UBAP1L: variants seen among roughly 807,000 people sequenced by gnomAD.
The protein encoded by UBAP1L is ubiquitin associated protein 1 like.
Under a neutral mutation model 32.1 loss-of-function variants are expected in UBAP1L, and 32 were observed. The ratio of observed to expected loss-of-function variants is 1.00; its 90% CI spans 0.75 to 1.34. The LOEUF (loss-of-function observed/expected upper bound fraction) is 1.34. Among genes scored for constraint, UBAP1L ranks in the 40% most tolerant of loss-of-function variants. UBAP1L has a pLI of 0.00. For synonymous variants in UBAP1L, 243 were observed against 250.2 expected (o/e 0.97, Z 0.27); for missense variants, 516 against 540.5 (o/e 0.95, Z 0.45).
intron 2 of UBAP1L, among the ~76,000 whole-genome samples, chr15:65,104,053 A>C (rs1595921438): frequency 6.6e-6 from 1 of 152,150 alleles, no homozygotes; most frequent in Non-Finnish European, 1.5e-5. Flanking sequence ...TCAGTTCAAG[A>C]CCAGCCTGGC....
chr15:65,104,530 A>G (rs138925687), intron 2 of UBAP1L, among the ~76,000 whole-genome samples: 184 of 152,362 alleles, frequency 1.2e-3, no homozygotes, highest in African/African-American at 3.4e-3. Flanking sequence ...ATAGGGATTT[A>G]GTAACTAATA....
intron 4 of UBAP1L, 107 bp downstream of exon 4, chr15:65,099,398 G>T: frequency 8.3e-7 from 1 of 1,199,858 alleles, no homozygotes; most frequent in Non-Finnish European, 1.2e-6. Flanking sequence ...TGTGGGGTTG[G>T]CTGATGCTGT....
chr15:65,110,291 G>A lies in UBAP1L; in HGVS notation c.-173-3903C>T, dbSNP rs139938993. Among the ~76,000 whole-genome samples, 703 of 151,924 alleles carry A rather than the reference G, an allele frequency of 4.6e-3. 6 individuals are homozygous for A. Among genetic ancestry groups the A allele is most frequent in the African/African-American group, 0.015 (601 of 41,414 alleles). On this transcript the variant is annotated intron_variant, in intron 1 of 5. Transcript: ENST00000559089. ...GGAGAATCGCTTGAACCAGGGAGGCGGAGATTGCAGTGAGCTGAAATCGCG... is the reference window on the plus strand; with the variant it reads ...GGAGAATCGCTTGAACCAGGGAGGCAGAGATTGCAGTGAGCTGAAATCGCG...
intron 4 of UBAP1L, chr15:65,095,744 C>T (rs2087166091): frequency 6.6e-6 from 1 of 152,274 alleles, no homozygotes; most frequent in Non-Finnish European, 1.5e-5. Context: ...TGCACATCAT[C>T]TAGACTAACA....
At chr15:65,106,474 C>T in intron 1 of UBAP1L, 86 bp from the exon 2 acceptor site, 1 of 347,446 alleles carries the variant, frequency 2.9e-6, no homozygotes. Context: ...TGCTCTAGAC[C>T]ACTGTTTTCC....
rs1566966810 is a variant in UBAP1L at position 65,102,197 on chromosome 15, G to A, written c.608C>T (p.Ala203Val). ...SPRSASPPGPAPQHPAAPASP... is the reference protein window; with the variant it reads ...SPRSASPPGPVPQHPAAPASP... ...CGCGGGGGCGGCGGGGTGCTGGGGCGCGGGCCCCGGGGGTGATGCAGACCT... is the reference window on the plus strand; with the variant it reads ...CGCGGGGGCGGCGGGGTGCTGGGGCACGGGCCCCGGGGGTGATGCAGACCT... The change falls in exon 3 of 6, where the codon GCG becomes GTG. Residue 203 changes from alanine to valine, a missense_variant. Ala to Val is a moderately conservative substitution (Grantham distance 64). Coordinates refer to ENST00000559089, the MANE Select transcript of UBAP1L (RefSeq NM_001163692.2). The surrounding 1 kb of genome is among the most constrained non-coding windows in gnomAD (Gnocchi z 5.0). 3.3e-6 allele frequency: 4 copies of A among 1,199,536 alleles called. No homozygotes were observed. Among genetic ancestry groups the A allele is most frequent in the Middle Eastern group, 3.3e-4 (1 of 2,998 alleles). The allele number at this position is 1,199,536 out of a possible 1,614,324, so 74.3% of individuals were successfully genotyped here.
In UBAP1L at chr15:65,102,293, G is replaced by A. The variant is rs761937299; in HGVS notation, c.512C>T (p.Pro171Leu). 291 of 1,406,920 alleles carry A rather than the reference G, an allele frequency of 2.1e-4. No individual in the cohort carries two copies. The highest frequency in any genetic ancestry group is 2.5e-4 in the Non-Finnish European group (271 of 1,088,426). The allele number at this position is 1,406,920 out of a possible 1,614,324, so 87.2% of individuals were successfully genotyped here. ...GCGGAGGCCATGCAGGAGGGCGCGG[G>A]GCCGGGAGACCAGCTTCCCCTCGGA... ...RLSEGKLVSRPRALLHGLRGH... is the reference protein window; with the variant it reads ...RLSEGKLVSRLRALLHGLRGH... The change falls in exon 3 of 6, where the codon CCC (proline) becomes CTC (leucine). Residue 171 changes from proline (P) to leucine (L), a missense_variant. Pro to Leu is a moderately conservative substitution (Grantham distance 98, BLOSUM62 -3). Transcript: ENST00000559089. The surrounding 1 kb of genome is among the most constrained non-coding windows in gnomAD (Gnocchi z 5.0).
rs758104324 is a variant in UBAP1L, at chr15:65,094,621, G to T, written c.910-45C>A. On this transcript the variant is annotated intron_variant, in intron 4 of 5. Transcript: ENST00000559089. The surrounding 1 kb of genome is among the most constrained non-coding windows in gnomAD (Gnocchi z 4.2). ...AGAGGGAGGGAGGGTAAGAGGAGCA[G>T]CCGGGGCAGCAGACAGGGCAGAGAG... The T allele has an allele frequency of 8.4e-6, 12 of 1,434,366 alleles. No individual in the cohort carries two copies. The highest frequency in any genetic ancestry group is 1.2e-5 in the Non-Finnish European group (12 of 1,042,722). 88.9% of individuals were successfully genotyped at this position (1,434,366 alleles called of 1,614,324 possible).
intron 2 of UBAP1L, among the ~76,000 whole-genome samples, chr15:65,103,081 C>G (rs2087262780): frequency 6.6e-6 from 1 of 152,212 alleles, no homozygotes; most frequent in Admixed American, 6.5e-5. Flanking sequence ...AGTAGTCTGC[C>G]TTGGAGGCCC....
rs1485462940 is a variant in UBAP1L, at chr15:65,094,597, G to A, written c.910-21C>T. On this transcript the variant is annotated intron_variant, in intron 4 of 5. Transcript: ENST00000559089. The surrounding 1 kb of genome is among the most constrained non-coding windows in gnomAD (Gnocchi z 4.2). ...AGAAACTGGGCCGGAAGCGGGCAGA[G>A]AGGGAGGGAGGGTAAGAGGAGCAGC... 6 of 1,530,554 alleles carry A rather than the reference G, an allele frequency of 3.9e-6. No homozygotes were observed. Among genetic ancestry groups the A allele is most frequent in the African/African-American group, 2.8e-5 (2 of 72,628 alleles). The allele number at this position is 1,530,554 out of a possible 1,614,324, so 94.8% of individuals were successfully genotyped here. A position where few individuals can be genotyped will look rare whatever the true frequency, so the allele number is the denominator to read the frequency against.
chr15:65,104,569 G>A (rs559301075), intron 2 of UBAP1L, among the ~76,000 whole-genome samples: 119 of 152,256 alleles, frequency 7.8e-4, no homozygotes, highest in South Asian at 2.3e-3. Flanking sequence ...ATAGGAGAAC[G>A]ATAAAGTTCT....
At chr15:65,099,871 A>G (rs2087220931) in intron 3 of UBAP1L, 157 bp from the exon 4 acceptor site, 4 of 620,726 alleles carry the variant, frequency 6.4e-6, no homozygotes, top group Non-Finnish European at 1.1e-5. Context: ...CAGCTCTCTA[A>G]TGCTTACTCA....
Position 65,106,245 on chromosome 15 carries a change from G to A in UBAP1L, c.-30C>T, listed in dbSNP as rs568938706. 315 of 1,513,200 alleles carry A rather than the reference G, an allele frequency of 2.1e-4. 4 individuals carry two copies. In the East Asian group the frequency reaches 7.9e-3, roughly 38 times the overall value. The allele number at this position is 1,513,200 out of a possible 1,614,324, so 93.7% of individuals were successfully genotyped here. Reference sequence around the variant, plus strand: ...TCAGGAGTGTGGAGATGGCTGGCAGGGCTGGGGCAGGCTGCTTGATGGCAG... The same window carrying A: ...TCAGGAGTGTGGAGATGGCTGGCAGAGCTGGGGCAGGCTGCTTGATGGCAG... On this transcript the variant is annotated 5_prime_UTR_variant, in exon 2 of 6. Transcript: ENST00000559089.
In UBAP1L at chr15:65,114,670, T is replaced by C. The variant is rs1306969152; in HGVS notation, c.-174+480A>G. ...GCACCTAACCACAGTACCTGGAAAA[T>C]GGTAAATAAAAAATCATTTCCCATA... is the stretch of plus-strand genomic sequence containing the variant. On this transcript the variant is annotated intron_variant, in intron 1 of 5. Coordinates refer to ENST00000559089, the MANE Select transcript of UBAP1L (RefSeq NM_001163692.2). 3.3e-5 allele frequency among the ~76,000 whole-genome samples: 5 copies of C among 152,154 alleles called. No individual in the cohort carries two copies. In the South Asian group the frequency reaches 8.3e-4, roughly 25 times the overall value.
At position 65,102,281 on chromosome 15, in the gene UBAP1L, A is replaced by T; in HGVS notation, c.524T>A (p.Leu175Gln). ...GKLVSRPRAL[L>Q]HGLRGHRALS... ...CGCGCGGTGGCCGCGGAGGCCATGC[A>T]GGAGGGCGCGGGGCCGGGAGACCAG... Residue 175 changes from leucine (L) to glutamine (Q), a missense_variant, in exon 3 of 6, where the codon CTG (leucine) becomes CAG (glutamine). Leu to Gln is a moderately radical substitution (Grantham distance 113). Coordinates refer to ENST00000559089, the MANE Select transcript of UBAP1L (RefSeq NM_001163692.2). This position sits in a 1 kb window ranked among gnomAD's most constrained non-coding sequence, Gnocchi z 5.0. 1 of 1,366,424 alleles carries T rather than the reference A, an allele frequency of 7.3e-7. No individual in the cohort carries two copies. The highest frequency in any genetic ancestry group is 9.4e-7 in the Non-Finnish European group (1 of 1,067,612). The allele number at this position is 1,366,424 out of a possible 1,614,324, so 84.6% of individuals were successfully genotyped here.
In UBAP1L at chr15:65,102,106, C is replaced by A; in HGVS notation, c.699G>T (p.Ala233=). Residue 233 remains alanine, a splice_region_variant and synonymous_variant, in exon 3 of 6, where the codon GCG becomes GCT. Transcript: ENST00000559089. The surrounding 1 kb of genome is among the most constrained non-coding windows in gnomAD (Gnocchi z 5.0). ...TTGGAGGGGCGGGCAGAATCCTTAC[C>A]GCGACCGTAGGCTTGTGGCTCCGCA... ...PPLRSHKPTV[A]SLSPYTCLPP... is the part of the protein sequence containing the mutation. The A allele has an allele frequency of 1.7e-6, 2 of 1,198,770 alleles. No homozygotes were observed. The highest frequency in any genetic ancestry group is 3.4e-5 in the East Asian group (1 of 29,454). 74.3% of individuals were successfully genotyped at this position (1,198,770 alleles called of 1,614,324 possible).
intron 3 of UBAP1L, chr15:65,100,927 G>A (rs999901230): frequency 1.3e-5 from 2 of 152,264 alleles, no homozygotes; most frequent in African/African-American, 4.8e-5. Flanking sequence ...TGTTATGAGA[G>A]TTAAATTCAT....
chr15:65,110,421 T>C (rs1218407491), intron 1 of UBAP1L, among the ~76,000 whole-genome samples: 2 of 150,954 alleles, frequency 1.3e-5, no homozygotes, highest in African/African-American at 4.9e-5. Context: ...CTAATACCTC[T>C]AATCCCAGCA....
chr15:65,114,151 T>A (rs977197346), intron 1 of UBAP1L, among the ~76,000 whole-genome samples: 2 of 151,880 alleles, frequency 1.3e-5, no homozygotes, highest in Non-Finnish European at 2.9e-5. Flanking sequence ...CGCAAAGTGC[T>A]GGGATTACAG....
Sources: allele counts gnomAD v4.1 joint callset (sites outside exome capture counted in the v4.1 genomes callset), GRCh38; gene constraint gnomAD v4.1.1; non-coding constraint Gnocchi (gnomAD v3.1); transcripts MANE v1.5; gene names NCBI Gene and HGNC (gene_info 2026-07-23, HGNC 2026-07-21).